The following GGNBP2 variants were observed in gnomAD, a reference collection of about 807,000 sequenced individuals.
The protein encoded by GGNBP2 is gametogenetin-binding protein 2.
In GGNBP2, 10 loss-of-function variants were observed where a neutral mutation model predicts 85.9. The ratio of observed to expected loss-of-function variants is 0.12; its 90% CI spans 0.07 to 0.20. GGNBP2 has a LOEUF of 0.20. Among genes scored for constraint, GGNBP2 ranks in the 10% least tolerant of loss-of-function variants. The pLI, the probability that GGNBP2 is intolerant of heterozygous loss-of-function variation, is 1.00. For missense variants in GGNBP2, 595 were observed against 857.8 expected, an observed-to-expected ratio of 0.69 and a Z score of 3.83; for synonymous variants, 287 against 285.7, an observed-to-expected ratio of 1.00 and a Z score of -0.05.
chr17:36,561,997 A>T (rs1449529065), intron 5 of GGNBP2, among the ~76,000 whole-genome samples: 4 of 152,164 alleles, frequency 2.6e-5, no homozygotes, highest in Admixed American at 1.3e-4. Context: ...ATAGTGTCCA[A>T]GGCTGCTTTT....
At chr17:36,568,024 C>A (rs879714602) in intron 6 of GGNBP2, among the ~76,000 whole-genome samples, 1 of 151,820 alleles carries the variant, frequency 6.6e-6, no homozygotes, top group Non-Finnish European at 1.5e-5. Context: ...CTCCCAGGTT[C>A]AAGAGATTCT....
chr17:36,587,408 C>T lies in GGNBP2; in HGVS notation c.1890+163C>T. ...TGGGGACTTCATTTCTGTCCTTCCACTCGTGGTTTATGCAACTACTCTGGA... is the reference window on the plus strand; with the variant it reads ...TGGGGACTTCATTTCTGTCCTTCCATTCGTGGTTTATGCAACTACTCTGGA... On this transcript the variant is annotated intron_variant, in intron 13 of 13. Coordinates refer to ENST00000613102, the MANE Select transcript of GGNBP2 (RefSeq NM_024835.5). The T allele has an allele frequency of 3.9e-6, 3 of 773,012 alleles. No individual in the cohort carries two copies. In the South Asian group the frequency reaches 5.0e-5, roughly 13 times the overall value. The allele number at this position is 773,012 out of a possible 1,614,324, so 47.9% of individuals were successfully genotyped here.
intron 2 of GGNBP2, among the ~76,000 whole-genome samples, chr17:36,548,452 T>C (rs2074274683): frequency 6.6e-6 from 1 of 150,584 alleles, no homozygotes; most frequent in East Asian, 2.0e-4. Flanking sequence ...CCGTCTCTAC[T>C]AAAAATACAA....
At chr17:36,546,135 T>C in intron 2 of GGNBP2, 1 of 424,930 alleles carries the variant, frequency 2.4e-6, no homozygotes, top group African/African-American at 2.0e-5. Flanking sequence ...TTGAAGGATC[T>C]TGGGCGTTTA....
Position 36,560,848 on chromosome 17 carries a change from T to C in GGNBP2, c.504T>C (p.Asp168=), listed in dbSNP as rs2142719026. ...KNKRCQLHSL[D]THKPKPLGGC... ...AGAGATGTCAGTTGCACTCCTTAGA[T>C]ACGCACAAGCCAAAACCTTTGGGGT... The change falls in exon 5 of 14, where the codon GAT becomes GAC. Residue 168 remains aspartate (D), a synonymous_variant. Coordinates refer to ENST00000613102, the MANE Select transcript of GGNBP2 (RefSeq NM_024835.5). 4 of 1,598,672 alleles carry C rather than the reference T, an allele frequency of 2.5e-6. No individual in the cohort carries two copies. The highest frequency in any genetic ancestry group is 3.4e-6 in the Non-Finnish European group (4 of 1,170,868).
intron 9 of GGNBP2, 63 bp from the exon 10 acceptor site, chr17:36,585,237 G>A: frequency 7.3e-7 from 1 of 1,377,128 alleles, no homozygotes; most frequent in Non-Finnish European, 1.0e-6. Flanking sequence ...TTTGATCTAG[G>A]GAATAAAATG....
At chr17:36,574,770 C>T (rs1029267567) in intron 6 of GGNBP2, 2 of 642,586 alleles carry the variant, frequency 3.1e-6, no homozygotes, top group Non-Finnish European at 5.6e-6. Context: ...CGCACCAGCA[C>T]AGAGCCGTGG....
chr17:36,549,129 ATGT>A (rs1335562555), intron 2 of GGNBP2, among the ~76,000 whole-genome samples: 1 of 152,180 alleles, frequency 6.6e-6, no homozygotes. Flanking sequence ...TCTGGCTAAA[ATGT>A]TGTTCAGTGT....
At chr17:36,568,297 T>G (rs1239712079) in intron 6 of GGNBP2, among the ~76,000 whole-genome samples, 1 of 148,628 alleles carries the variant, frequency 6.7e-6, no homozygotes, top group Non-Finnish European at 1.5e-5. Flanking sequence ...ATTTTGTGAT[T>G]TTTTTTTTTT....
At chr17:36,573,688 T>G (rs2074548950) in intron 6 of GGNBP2, among the ~76,000 whole-genome samples, 1 of 152,026 alleles carries the variant, frequency 6.6e-6, no homozygotes. Flanking sequence ...CACTTGTTAT[T>G]TGTTGTTGTT....
rs569836591 is a variant in GGNBP2, at chr17:36,559,395, G to T, written c.429-1378G>T. ...AATGTAACAGAGCTCATCTTTGGGT[G>T]TGCTAAGTTTGAGATAGCGATTAGA... On this transcript the variant is annotated intron_variant, in intron 4 of 13. Transcript: ENST00000613102. Among the ~76,000 whole-genome samples the T allele has an allele frequency of 5.9e-5, 9 of 151,790 alleles. No individual in the cohort carries two copies. The South Asian group carries it at 1.9e-3, about 32-fold the overall frequency.
intron 4 of GGNBP2, 80 bp from the exon 5 acceptor site, chr17:36,560,693 C>T: frequency 1.2e-6 from 1 of 811,448 alleles, no homozygotes; most frequent in African/African-American, 1.8e-5. Flanking sequence ...TGAGACTTCT[C>T]TCTAAAAGAC....
rs1245936819 is a variant in GGNBP2 at position 36,589,479 on chromosome 17, ACT to A, written c.*71_*72del. Reference sequence around the variant, plus strand: ...ACTACTGCGCCTTCTCTTTCGAAAAACTCTTAATTTAGTGACTTATGGCAAAA... The same window carrying A: ...ACTACTGCGCCTTCTCTTTCGAAAAACTTAATTTAGTGACTTATGGCAAAA... On this transcript the variant is annotated 3_prime_UTR_variant, in exon 14 of 14. Transcript: ENST00000613102. The A allele has an allele frequency of 3.6e-5, 46 of 1,280,060 alleles. No homozygotes were observed. Among genetic ancestry groups the A allele is most frequent in the African/African-American group, 2.8e-4 (19 of 67,132 alleles). The allele number at this position is 1,280,060 out of a possible 1,614,324, so 79.3% of individuals were successfully genotyped here. A position where few individuals can be genotyped will look rare whatever the true frequency, so the allele number is the denominator to read the frequency against.
intron 6 of GGNBP2, among the ~76,000 whole-genome samples, chr17:36,568,138 A>G (rs1273582016): frequency 6.6e-6 from 1 of 151,756 alleles, no homozygotes; most frequent in East Asian, 1.9e-4. Context: ...GTTGGCCAGG[A>G]TGGTTTAGAT....
intron 3 of GGNBP2, among the ~76,000 whole-genome samples, chr17:36,556,553 A>G (rs2074362941): frequency 6.6e-6 from 1 of 151,928 alleles, no homozygotes; most frequent in Non-Finnish European, 1.5e-5. Flanking sequence ...AAAATACTAA[A>G]ATTAGCCGGG....
chr17:36,561,371 C>T (rs978806213), intron 5 of GGNBP2, among the ~76,000 whole-genome samples: 3 of 152,096 alleles, frequency 2.0e-5, no homozygotes, highest in Non-Finnish European at 4.4e-5. Context: ...TGATCGCCCA[C>T]CTCAGCCTCC....
intron 1 of GGNBP2, among the ~76,000 whole-genome samples, 166 bp downstream of exon 1, chr17:36,545,263 CCGGGCGG>C (rs995726997): frequency 7.2e-5 from 11 of 152,228 alleles, no homozygotes; most frequent in South Asian, 6.2e-4. Context: ...CAGAGGGCAC[CCGGGCGG>C]CGGGCGGCGG....
In GGNBP2 at chr17:36,585,822, C is replaced by A. The variant is rs770176829; in HGVS notation, c.1367-18C>A. The A allele has an allele frequency of 3.1e-6, 5 of 1,608,784 alleles. No individual in the cohort carries two copies. In the South Asian group the frequency reaches 4.4e-5, roughly 14 times the overall value. ...TTATTGGTATGTTAATAGTAACTCT[C>A]ACTTGATTTATTCTCAGGCTTATCT... On this transcript the variant is annotated intron_variant, in intron 10 of 13. Coordinates refer to ENST00000613102, the MANE Select transcript of GGNBP2 (RefSeq NM_024835.5).
At chr17:36,562,718 G>C (rs527648502) in intron 5 of GGNBP2, among the ~76,000 whole-genome samples, 31 of 151,244 alleles carry the variant, frequency 2.0e-4, no homozygotes, top group African/African-American at 7.0e-4. Context: ...TGTAATCCCA[G>C]CACTTTTGGA....
Sources: gnomAD v4.1 joint callset for allele counts (sites outside exome capture counted in the v4.1 genomes callset) on GRCh38, gnomAD v4.1.1 for gene constraint, MANE v1.5 for transcripts, NCBI Gene and HGNC (gene_info 2026-07-23, HGNC 2026-07-21) for gene names.